GRID2: variants seen among roughly 807,000 people sequenced by gnomAD.
GRID2 encodes the protein glutamate ionotropic receptor delta type subunit 2, also known as glutamate receptor ionotropic, delta-2.
In GRID2, 33 loss-of-function variants were observed where a neutral mutation model predicts 114.8. The ratio of observed to expected loss-of-function variants is 0.29; its 90% CI spans 0.22 to 0.38. The LOEUF (loss-of-function observed/expected upper bound fraction) is 0.38, where lower values mean the gene tolerates loss of function less well. Ranked by LOEUF, GRID2 falls within the 10% of genes least tolerant of loss-of-function variation. The probability of loss-of-function intolerance (pLI) is 1.00; values close to 1 mark genes in which losing one functional copy is unlikely to be tolerated. For synonymous variants in GRID2, 505 were observed against 449.9 expected, an observed-to-expected ratio of 1.12 and a Z score of -1.55; for missense variants, 1,184 against 1,257.7, an observed-to-expected ratio of 0.94 and a Z score of 0.89.
intron 2 of GRID2, among the ~76,000 whole-genome samples, chr4:92,720,361 T>C (rs915385598): frequency 6.6e-6 from 1 of 152,068 alleles, no homozygotes; most frequent in Non-Finnish European, 1.5e-5. Flanking sequence ...GTTACAGTAA[T>C]TCTTTAAAAT....
intron 4 of GRID2, among the ~76,000 whole-genome samples, chr4:93,185,685 A>G (rs1312624507): frequency 6.6e-6 from 1 of 152,190 alleles, no homozygotes. Context: ...TATTTTGCTT[A>G]GTTTTCTTAC....
chr4:92,749,418 A>C (rs749514327), intron 2 of GRID2, among the ~76,000 whole-genome samples: 10 of 148,578 alleles, frequency 6.7e-5, no homozygotes, highest in East Asian at 2.0e-4. Flanking sequence ...GGGCTCAAGC[A>C]ATTCTTCTGC....
chr4:93,341,777 G>C (rs1759681243), intron 8 of GRID2, among the ~76,000 whole-genome samples: 1 of 152,144 alleles, frequency 6.6e-6, no homozygotes, highest in Non-Finnish European at 1.5e-5. Context: ...AGGTATTTCA[G>C]CTTTCAGAAC....
intron 13 of GRID2, among the ~76,000 whole-genome samples, chr4:93,607,946 T>A (rs997265723): frequency 4.6e-5 from 7 of 151,924 alleles, no homozygotes; most frequent in African/African-American, 1.7e-4. Context: ...TCCAATTTTT[T>A]CCAAATTTGT....
intron 2 of GRID2, among the ~76,000 whole-genome samples, chr4:92,868,954 C>A (rs944713929): frequency 1.3e-5 from 2 of 151,936 alleles, no homozygotes; most frequent in Non-Finnish European, 2.9e-5. Flanking sequence ...GTTTGATTTT[C>A]TTCTAGGTCC....
intron 2 of GRID2, among the ~76,000 whole-genome samples, chr4:92,687,269 C>T (rs181463145): frequency 6.6e-6 from 1 of 151,316 alleles, no homozygotes; most frequent in African/African-American, 2.4e-5. Context: ...TTTTGAAGCA[C>T]ACCAACTCAA....
rs1734219350 is a variant in GRID2, at chr4:93,772,928, C to G, written c.*430C>G. On this transcript the variant is annotated 3_prime_UTR_variant, in exon 16 of 16. Transcript: ENST00000282020. Reference sequence around the variant, plus strand: ...TCTTTTTACATTCTTCTGCTGCATCCATACAATGCTCCACTGCTGTTGAGT... The same window carrying G: ...TCTTTTTACATTCTTCTGCTGCATCGATACAATGCTCCACTGCTGTTGAGT... The G allele has an allele frequency of 6.3e-6, 1 of 157,906 alleles. No homozygotes were observed. Among genetic ancestry groups the G allele is most frequent in the Non-Finnish European group, 1.4e-5 (1 of 72,036 alleles). 9.8% of individuals were successfully genotyped at this position (157,906 alleles called of 1,614,324 possible).
intron 2 of GRID2, among the ~76,000 whole-genome samples, chr4:92,904,575 G>T (rs183361931): frequency 6.6e-6 from 1 of 151,736 alleles, no homozygotes; most frequent in East Asian, 1.9e-4. Context: ...ATATAAAGTC[G>T]ATGTAAAAGT....
intron 1 of GRID2, among the ~76,000 whole-genome samples, chr4:92,473,210 G>T (rs1722128833): frequency 2.6e-5 from 4 of 151,884 alleles, no homozygotes; most frequent in Admixed American, 2.6e-4. Context: ...ATGTAATTTT[G>T]TGTTTCACTT....
At chr4:93,284,898 A>C (rs943251200) in intron 8 of GRID2, among the ~76,000 whole-genome samples, 1 of 152,100 alleles carries the variant, frequency 6.6e-6, no homozygotes, top group Admixed American at 6.6e-5. Flanking sequence ...CCATATAGAT[A>C]CTCAATAAAT....
At chr4:92,353,253 A>AT (rs147164753) in intron 1 of GRID2, among the ~76,000 whole-genome samples, 2,186 of 145,046 alleles carry the variant, frequency 0.015, 55 homozygotes, top group African/African-American at 0.052. Context: ...TGCTTTATCA[A>AT]TTTTTTTTTT....
chr4:93,656,946 A>T (rs1191484345), intron 14 of GRID2, among the ~76,000 whole-genome samples: 1 of 151,272 alleles, frequency 6.6e-6, no homozygotes, highest in Non-Finnish European at 1.5e-5. Context: ...ACAATTTCAG[A>T]CAAGCTCACA....
chr4:92,829,156 T>C (rs1366932264), intron 2 of GRID2, among the ~76,000 whole-genome samples: 2 of 152,212 alleles, frequency 1.3e-5, no homozygotes, highest in Non-Finnish European at 2.9e-5. Context: ...AGGTTTTACA[T>C]TTAAGCCTTT....
intron 4 of GRID2, among the ~76,000 whole-genome samples, chr4:93,149,770 A>G (rs745454124): frequency 4.6e-5 from 7 of 151,886 alleles, no homozygotes; most frequent in Non-Finnish European, 1.0e-4. Flanking sequence ...AGTAGCTTGG[A>G]CTGTAGGTCC....
chr4:93,710,202 C>A (rs540603398), intron 14 of GRID2, among the ~76,000 whole-genome samples: 1 of 152,256 alleles, frequency 6.6e-6, no homozygotes. Context: ...GTTTGTACCC[C>A]TCTTTCCTGG....
At position 92,473,460 on chromosome 4, in the gene GRID2, A is replaced by G. The variant is rs1286946355; in HGVS notation, c.89-116671A>G. On this transcript the variant is annotated intron_variant, in intron 1 of 15. Coordinates refer to ENST00000282020, the MANE Select transcript of GRID2 (RefSeq NM_001510.4). ...GCAATACATCCAGGACAATGATAAT[A>G]GAAGTGGGAATAGTGGAAATTCTTG... 2.0e-5 allele frequency among the ~76,000 whole-genome samples: 3 copies of G among 152,096 alleles called. No homozygotes were observed. The East Asian group carries it at 5.8e-4, about 29-fold the overall frequency.
intron 11 of GRID2, among the ~76,000 whole-genome samples, chr4:93,464,435 C>T (rs1368542458): frequency 6.6e-6 from 1 of 152,096 alleles, no homozygotes; most frequent in Non-Finnish European, 1.5e-5. Flanking sequence ...TAGAATGCAT[C>T]CTTAAAACCC....
chr4:93,351,755 CAG>C (rs1760826140), intron 8 of GRID2, among the ~76,000 whole-genome samples: 3 of 152,096 alleles, frequency 2.0e-5, no homozygotes, highest in East Asian at 1.9e-4. Flanking sequence ...ATGGGAGACT[CAG>C]AGAGTTTAAG....
intron 3 of GRID2, among the ~76,000 whole-genome samples, chr4:93,108,617 G>A (rs1424723011): frequency 6.8e-6 from 1 of 147,872 alleles, no homozygotes; most frequent in Non-Finnish European, 1.5e-5. Flanking sequence ...TGTCTGCTCT[G>A]ACATGTATTT....
Sources: gnomAD v4.1 joint callset for allele counts (sites outside exome capture counted in the v4.1 genomes callset) on GRCh38, gnomAD v4.1.1 for gene constraint, MANE v1.5 for transcripts, NCBI Gene and HGNC (gene_info 2026-07-23, HGNC 2026-07-21) for gene names.